The following DOCK8 variants were observed in gnomAD, a reference collection of about 807,000 sequenced individuals.
The protein encoded by DOCK8 is dedicator of cytokinesis protein 8.
Under a neutral mutation model 245.6 loss-of-function variants are expected in DOCK8, and 141 were observed. The observed-to-expected ratio is 0.57, with a 90% CI of 0.50 to 0.66. DOCK8 has a LOEUF of 0.66. DOCK8 is among the 30% of genes least tolerant of loss of function. The pLI, the probability that DOCK8 is intolerant of heterozygous loss-of-function variation, is 0.00. For missense variants in DOCK8, 2,965 were observed against 2,603.4 expected, an observed-to-expected ratio of 1.14 and a Z score of -3.02; for synonymous variants, 1,168 against 970.2, an observed-to-expected ratio of 1.20 and a Z score of -3.79.
At chr9:414,396 A>G (rs1003846349) in intron 28 of DOCK8, among the ~76,000 whole-genome samples, 2 of 152,160 alleles carry the variant, frequency 1.3e-5, no homozygotes, top group African/African-American at 4.8e-5. Flanking sequence ...ATCATGCTAA[A>G]CAGCAGACCC....
At chr9:224,803 C>T (rs1312583067) in intron 1 of DOCK8, among the ~76,000 whole-genome samples, 1 of 152,168 alleles carries the variant, frequency 6.6e-6, no homozygotes, top group African/African-American at 2.4e-5. Flanking sequence ...GCATTGCAGT[C>T]CACTTTCACC....
intron 1 of DOCK8, among the ~76,000 whole-genome samples, chr9:234,099 CAA>C (rs2131383068): frequency 1.3e-5 from 2 of 152,214 alleles, no homozygotes; most frequent in East Asian, 3.9e-4. Context: ...CTGGTGGTGA[CAA>C]AATCTCTCAG....
At chr9:459,737 T>A (rs967070479) in intron 46 of DOCK8, 1 of 152,472 alleles carries the variant, frequency 6.6e-6, no homozygotes, top group East Asian at 1.9e-4. Flanking sequence ...CTCACTCATG[T>A]CTGGTGTCTG....
intron 7 of DOCK8, among the ~76,000 whole-genome samples, chr9:323,242 G>A (rs1206998284): frequency 4.5e-4 from 19 of 42,390 alleles, no homozygotes; most frequent in African/African-American, 1.6e-3. Context: ...TTTTTTTTTT[G>A]AGACAGAGTC....
rs758993681 is a variant in DOCK8, at chr9:414,863, A to T, written c.3612A>T (p.Lys1204Asn). The T allele has an allele frequency of 1.3e-4, 209 of 1,614,122 alleles. No homozygotes were observed. The highest frequency in any genetic ancestry group is 1.6e-4 in the Non-Finnish European group (184 of 1,180,050). The change falls in exon 29 of 48, where the codon AAA (lysine) becomes AAT (asparagine). Residue 1204 changes from lysine (K) to asparagine (N), a missense_variant. Coordinates refer to ENST00000432829, the MANE Select transcript of DOCK8 (RefSeq NM_203447.4). ...SSHDLDPRCV[K>N]PEVKVKIAAL... ...ACGACCTGGACCCACGCTGTGTCAA[A>T]CCAGAGGTGAAGGTCAAAATCGCCG...
At chr9:363,922 G>A (rs2052853043) in intron 14 of DOCK8, among the ~76,000 whole-genome samples, 1 of 152,152 alleles carries the variant, frequency 6.6e-6, no homozygotes, top group Admixed American at 6.5e-5. Flanking sequence ...GGCTACTACT[G>A]TTATGATTTA....
chr9:438,987 A>G (rs1206645010), intron 39 of DOCK8, among the ~76,000 whole-genome samples: 2 of 152,238 alleles, frequency 1.3e-5, no homozygotes, highest in Non-Finnish European at 2.9e-5. Flanking sequence ...CTGTTGTGAC[A>G]TTGAGGTAAG....
chr9:256,616 T>C (rs1431380516), intron 1 of DOCK8, among the ~76,000 whole-genome samples: 1 of 152,146 alleles, frequency 6.6e-6, no homozygotes, highest in East Asian at 1.9e-4. Flanking sequence ...TACTTTTCCT[T>C]GTGAAGAATT....
At chr9:358,273 C>T (rs2052544456) in intron 14 of DOCK8, among the ~76,000 whole-genome samples, 1 of 151,976 alleles carries the variant, frequency 6.6e-6, no homozygotes, top group African/African-American at 2.4e-5. Flanking sequence ...TTCTGTTGTA[C>T]AGATGGGGTC....
intron 14 of DOCK8, among the ~76,000 whole-genome samples, chr9:351,857 G>A (rs1446583855): frequency 6.6e-6 from 1 of 152,178 alleles, no homozygotes; most frequent in African/African-American, 2.4e-5. Flanking sequence ...TTTTTGCACT[G>A]TATCCAGTGT....
At chr9:236,091 G>C (rs1213796894) in intron 1 of DOCK8, among the ~76,000 whole-genome samples, 1 of 152,106 alleles carries the variant, frequency 6.6e-6, no homozygotes, top group African/African-American at 2.4e-5. Flanking sequence ...GCCAGTGGTT[G>C]GCCCTGCAGG....
Position 372,261 on chromosome 9 carries a change from C to G in DOCK8, c.2084C>G (p.Pro695Arg). ...CCAGTTGCCTTGGAAAAATTGCCAC[C>G]CAACTACTCCATGCATTCTGCTGAG... ...CLPVALEKLP[P>R]NYSMHSAEKV... Residue 695 changes from proline to arginine, a missense_variant, in exon 18 of 48, where the codon CCC (proline) becomes CGC (arginine). Pro to Arg is a moderately radical substitution (Grantham distance 103). This residue lies in a region of DOCK8 where 2,825 missense variants were observed against 2,453.5 expected (regional missense o/e 1.15). Coordinates refer to ENST00000432829, the MANE Select transcript of DOCK8 (RefSeq NM_203447.4). 1 of 1,614,004 alleles carries G rather than the reference C, an allele frequency of 6.2e-7. No homozygotes were observed. Among genetic ancestry groups the G allele is most frequent in the Non-Finnish European group, 8.5e-7 (1 of 1,179,954 alleles).
At chr9:418,264 T>C in intron 30 of DOCK8, 57 bp downstream of exon 30, 3 of 1,607,470 alleles carry the variant, frequency 1.9e-6, no homozygotes, top group Non-Finnish European at 2.6e-6. Flanking sequence ...CTGTCTTCTG[T>C]TTTGTTTTGT....
At chr9:234,225 C>A (rs1468077489) in intron 1 of DOCK8, among the ~76,000 whole-genome samples, 1 of 152,136 alleles carries the variant, frequency 6.6e-6, no homozygotes, top group African/African-American at 2.4e-5. Context: ...AATATTGGCC[C>A]CCACTCTCTT....
At chr9:327,912 A>G (rs1452338971) in intron 8 of DOCK8, 110 bp from the exon 9 acceptor site, 2 of 1,007,946 alleles carry the variant, frequency 2.0e-6, no homozygotes, top group African/African-American at 3.2e-5. Context: ...TGATTATTAC[A>G]CTTACTCCTT....
intron 3 of DOCK8, among the ~76,000 whole-genome samples, chr9:286,993 T>TA (rs2048850687): frequency 6.6e-6 from 1 of 152,230 alleles, no homozygotes; most frequent in Non-Finnish European, 1.5e-5. Flanking sequence ...TCTCCATTTG[T>TA]AAAAATGTCA....
intron 46 of DOCK8, chr9:456,394 C>T (rs2057641411): frequency 6.6e-6 from 1 of 152,228 alleles, no homozygotes; most frequent in Admixed American, 6.5e-5. Context: ...GAACAGCTCT[C>T]AGGTTTCCCC....
intron 2 of DOCK8, among the ~76,000 whole-genome samples, chr9:281,987 C>T (rs1028747666): frequency 1.3e-5 from 2 of 152,160 alleles, no homozygotes; most frequent in Non-Finnish European, 2.9e-5. Context: ...ACCAGCTCTT[C>T]AGTACTGGAA....
At chr9:438,825 G>C (rs2056990626) in intron 39 of DOCK8, among the ~76,000 whole-genome samples, 1 of 152,206 alleles carries the variant, frequency 6.6e-6, no homozygotes, top group Non-Finnish European at 1.5e-5. Flanking sequence ...GTCAACTCCA[G>C]AGTAGCAACA....
Sources: gnomAD v4.1 joint callset for allele counts (sites outside exome capture counted in the v4.1 genomes callset) on GRCh38, gnomAD v4.1.1 for gene constraint, gnomAD v4.1.1 regional missense constraint, MANE v1.5 for transcripts, NCBI Gene and HGNC (gene_info 2026-07-23, HGNC 2026-07-21) for gene names.